CHMP7: variants seen among roughly 807,000 people sequenced by gnomAD.
The protein encoded by CHMP7 is charged multivesicular body protein 7.
CHMP7 carries 15 observed loss-of-function variants against 53.7 expected under a neutral mutation model. That is an observed-to-expected ratio of 0.28 (90% CI 0.19 to 0.43). CHMP7 has a LOEUF of 0.43. Among genes scored for constraint, CHMP7 ranks in the 20% least tolerant of loss-of-function variants. The probability of loss-of-function intolerance (pLI) is 1.00; values close to 1 mark genes in which losing one functional copy is unlikely to be tolerated. For missense variants in CHMP7, 527 were observed against 569.4 expected, an observed-to-expected ratio of 0.93 and a Z score of 0.76; for synonymous variants, 261 against 228.0, an observed-to-expected ratio of 1.14 and a Z score of -1.30.
rs1269062282 is a variant in CHMP7, at chr8:23,259,935, G to A, written c.1121-209G>A. 6 of 562,814 alleles carry A rather than the reference G, an allele frequency of 1.1e-5. No individual in the cohort carries two copies. The Admixed American group carries it at 1.9e-4, about 17-fold the overall frequency. The allele number at this position is 562,814 out of a possible 1,614,324, so 34.9% of individuals were successfully genotyped here. On this transcript the variant is annotated intron_variant, in intron 9 of 10. Transcript: ENST00000397677. ...CAGGGTCAGGTCCATGGTGTTAACA[G>A]AATACACCTCCTTGGTGACTTAGCT...
chr8:23,258,872 G>T, intron 8 of CHMP7, 42 bp downstream of exon 8: 2 of 1,374,552 alleles, frequency 1.5e-6, no homozygotes, highest in Non-Finnish European at 2.1e-6. Flanking sequence ...AGAAGGAGGT[G>T]ACAGAGGACA....
Position 23,247,502 on chromosome 8 carries a change from C to A in CHMP7, c.299+508C>A, listed in dbSNP as rs373280226. ...CACAGGCTTTTTGGAGCAGAGAGGACGTGAAGGAGAATGAGGGCTTTGCTG... is the reference window on the plus strand; with the variant it reads ...CACAGGCTTTTTGGAGCAGAGAGGAAGTGAAGGAGAATGAGGGCTTTGCTG... On this transcript the variant is annotated intron_variant, in intron 2 of 10. Coordinates refer to ENST00000397677, the MANE Select transcript of CHMP7 (RefSeq NM_152272.5). 3.3e-4 allele frequency among the ~76,000 whole-genome samples: 50 copies of A among 152,186 alleles called. 1 individual carries two copies. The highest frequency in any genetic ancestry group is 3.3e-3 in the East Asian group (17 of 5,178).
chr8:23,258,351 A>G lies in CHMP7; in HGVS notation c.862A>G (p.Lys288Glu), dbSNP rs1274749976. Reference sequence around the variant, plus strand: ...CCAGGCACTGAGGTCTCTCAAGGCCAAGCAACGGACAGAGAAGCGCATCGA... The same window carrying G: ...CCAGGCACTGAGGTCTCTCAAGGCCGAGCAACGGACAGAGAAGCGCATCGA... Reference protein sequence around the residue: ...KQLALRSLKAKQRTEKRIEAL... With the variant: ...KQLALRSLKAEQRTEKRIEAL... Residue 288 changes from lysine (K) to glutamate (E), a missense_variant, in exon 7 of 11, where the codon AAG becomes GAG. Lys to Glu is a moderately conservative substitution (Grantham distance 56). Transcript: ENST00000397677. 1.2e-6 allele frequency: 2 copies of G among 1,614,212 alleles called. No homozygotes were observed. The highest frequency in any genetic ancestry group is 2.7e-5 in the African/African-American group (2 of 75,070).
intron 4 of CHMP7, 113 bp from the exon 5 acceptor site, chr8:23,256,347 C>G: frequency 1.4e-6 from 1 of 731,538 alleles, no homozygotes; most frequent in South Asian, 1.6e-5. Context: ...TGGAACATAT[C>G]CCCCATGGAT....
intron 3 of CHMP7, 129 bp from the exon 4 acceptor site, chr8:23,255,118 T>C (rs532265284): frequency 7.9e-6 from 7 of 886,978 alleles, no homozygotes; most frequent in African/African-American, 1.7e-5. Flanking sequence ...AGCCGCTACT[T>C]TGGGGAGGAT....
intron 9 of CHMP7, 137 bp downstream of exon 9, chr8:23,259,263 G>T (rs1446114245): frequency 4.0e-6 from 2 of 496,664 alleles, no homozygotes; most frequent in Non-Finnish European, 7.1e-6. Flanking sequence ...CCGCCTCCCG[G>T]GTTCACGCCA....
rs971115278 is a variant in CHMP7 at position 23,246,895 on chromosome 8, A to G, written c.200A>G (p.Gln67Arg). The G allele has an allele frequency of 1.3e-6, 2 of 1,584,234 alleles. No individual in the cohort carries two copies. The highest frequency in any genetic ancestry group is 1.3e-5 in the African/African-American group (1 of 74,366). Residue 67 changes from glutamine to arginine, a missense_variant, in exon 2 of 11, where the codon CAG (glutamine) becomes CGG (arginine). Physicochemically the swap from Gln to Arg is conservative, Grantham distance 43. Coordinates refer to ENST00000397677, the MANE Select transcript of CHMP7 (RefSeq NM_152272.5). Reference sequence around the variant, plus strand: ...TTGGTGCTGAGCCACAGCCGCCGCCAGGGGGTGGTGCGCCTGCGTCTGCGG... The same window carrying G: ...TTGGTGCTGAGCCACAGCCGCCGCCGGGGGGTGGTGCGCCTGCGTCTGCGG... ...APLVLSHSRR[Q>R]GVVRLRLRDL...
intron 3 of CHMP7, among the ~76,000 whole-genome samples, chr8:23,250,049 C>G (rs184661698): frequency 6.6e-6 from 1 of 152,204 alleles, no homozygotes; most frequent in South Asian, 2.1e-4. Flanking sequence ...GTTTACCACC[C>G]CTGCTGGAGA....
At chr8:23,258,696 C>CT in intron 7 of CHMP7, 36 bp from the exon 8 acceptor site, 1 of 1,475,364 alleles carries the variant, frequency 6.8e-7, no homozygotes, top group Admixed American at 1.7e-5. Flanking sequence ...TGCCAAATGT[C>CT]TGTCATTTGC....
In CHMP7 at chr8:23,260,380, T is replaced by C; in HGVS notation, c.1300+57T>C. On this transcript the variant is annotated intron_variant, in intron 10 of 10. Transcript: ENST00000397677. ...GCATATGGCCTTCTGGCTGACAGAG[T>C]TGATGGGCCCAAGCCCAATTACTCC... 3 of 1,595,050 alleles carry C rather than the reference T, an allele frequency of 1.9e-6. No homozygotes were observed. In the South Asian group the frequency reaches 3.3e-5, roughly 18 times the overall value.
intron 9 of CHMP7, among the ~76,000 whole-genome samples, 174 bp downstream of exon 9, chr8:23,259,300 C>T (rs1802283953): frequency 6.7e-6 from 1 of 148,428 alleles, no homozygotes; most frequent in African/African-American, 2.5e-5. Context: ...TCCCAAGTAG[C>T]TGGGACTACA....
In CHMP7 at chr8:23,246,611, A is replaced by C. The variant is rs564055720; in HGVS notation, c.-85A>C. On this transcript the variant is annotated 5_prime_UTR_variant, in exon 2 of 11. Transcript: ENST00000397677. ...ACGTGTGAACGAGAAGGAGGTGGTC[A>C]AGGAACGGAAGCCGGGAGGGAACGA... The C allele has an allele frequency of 1.2e-4, 147 of 1,196,068 alleles. 1 individual carries two copies. Among genetic ancestry groups the C allele is most frequent in the Non-Finnish European group, 1.6e-4 (140 of 860,274 alleles). 74.1% of individuals were successfully genotyped at this position (1,196,068 alleles called of 1,614,324 possible).
At position 23,258,310 on chromosome 8, in the gene CHMP7, C is replaced by G; in HGVS notation, c.841-20C>G. On this transcript the variant is annotated intron_variant, in intron 6 of 10. Coordinates refer to ENST00000397677, the MANE Select transcript of CHMP7 (RefSeq NM_152272.5). Reference sequence around the variant, plus strand: ...TTGGCTCGCCCAGTTCAGCACTGACCTAAGTCTCCATGCCTCCAGGCACTG... The same window carrying G: ...TTGGCTCGCCCAGTTCAGCACTGACGTAAGTCTCCATGCCTCCAGGCACTG... 3 of 1,614,124 alleles carry G rather than the reference C, an allele frequency of 1.9e-6. No individual in the cohort carries two copies. Among genetic ancestry groups the G allele is most frequent in the Non-Finnish European group, 2.5e-6 (3 of 1,180,032 alleles).
At chr8:23,252,929 A>T (rs148085651) in intron 3 of CHMP7, among the ~76,000 whole-genome samples, 1 of 152,322 alleles carries the variant, frequency 6.6e-6, no homozygotes, top group Non-Finnish European at 1.5e-5. Flanking sequence ...GGGCAGTCAA[A>T]TCAATGAAAA....
rs776751717 is a variant in CHMP7, at chr8:23,256,559, C to G, written c.757C>G (p.Arg253Gly). The G allele has an allele frequency of 2.5e-6, 4 of 1,613,830 alleles. No individual in the cohort carries two copies. The highest frequency in any genetic ancestry group is 2.7e-5 in the African/African-American group (2 of 74,896). ...QLMQSEQLLS[R>G]KVESLSQEAE... The stretch of plus-strand genomic sequence containing the variant: ...GATGCAGAGTGAACAGCTTCTCTCA[C>G]GCAAAGTGGAGTCCTTATCCCAGGA... Residue 253 changes from arginine (R) to glycine (G), a missense_variant, in exon 5 of 11, where the codon CGC becomes GGC. Physicochemically the swap from Arg to Gly is moderately radical, Grantham distance 125. Coordinates refer to ENST00000397677, the MANE Select transcript of CHMP7 (RefSeq NM_152272.5).
Position 23,260,616 on chromosome 8 carries a change from A to G in CHMP7, c.*17A>G. 1 of 1,603,564 alleles carries G rather than the reference A, an allele frequency of 6.2e-7. No individual in the cohort carries two copies. Among genetic ancestry groups the G allele is most frequent in the Non-Finnish European group, 8.5e-7 (1 of 1,170,368 alleles). ...CCATTGTAGGACCCTCAAGTGAAGG[A>G]CCCTCATGTAAAAGAGAGACCAGGC... On this transcript the variant is annotated 3_prime_UTR_variant, in exon 11 of 11. Transcript: ENST00000397677.
chr8:23,257,304 C>T (rs1393519885), intron 5 of CHMP7, among the ~76,000 whole-genome samples: 1 of 151,822 alleles, frequency 6.6e-6, no homozygotes, highest in Non-Finnish European at 1.5e-5. Context: ...CCATGTTGCC[C>T]AGGCTGGTCT....
At chr8:23,256,623 C>T in intron 5 of CHMP7, 30 bp downstream of exon 5, 1 of 1,603,884 alleles carries the variant, frequency 6.2e-7, no homozygotes, top group Non-Finnish European at 8.5e-7. Context: ...TGAGCCTCCT[C>T]CCCACTGTTG....
In CHMP7 at chr8:23,260,232, C is replaced by T. The variant is rs1307268179; in HGVS notation, c.1209C>T (p.Arg403=). ...KEPLDLPDNP[R]NRHFTNSVPN... is the part of the protein sequence containing the mutation. Reference sequence around the variant, plus strand: ...CTTTGGATCTGCCTGACAACCCCCGCAATAGGCATTTTACCAACAGCGTGC... The same window carrying T: ...CTTTGGATCTGCCTGACAACCCCCGTAATAGGCATTTTACCAACAGCGTGC... The change falls in exon 10 of 11, where the codon CGC becomes CGT. Residue 403 remains arginine, a synonymous_variant. Coordinates refer to ENST00000397677, the MANE Select transcript of CHMP7 (RefSeq NM_152272.5). 6.2e-7 allele frequency: 1 copy of T among 1,614,168 alleles called. No individual in the cohort carries two copies. The highest frequency in any genetic ancestry group is 1.7e-5 in the Admixed American group (1 of 60,018).
Sources: allele counts gnomAD v4.1 joint callset (sites outside exome capture counted in the v4.1 genomes callset), GRCh38; gene constraint gnomAD v4.1.1; transcripts MANE v1.5; gene names NCBI Gene and HGNC (gene_info 2026-07-23, HGNC 2026-07-21).